Variants in KCTD8 observed in about 807,000 individuals in gnomAD.
KCTD8 encodes the protein BTB/POZ domain-containing protein KCTD8.
Under a neutral mutation model 31.5 loss-of-function variants are expected in KCTD8, and 27 were observed. That is an observed-to-expected ratio of 0.86 (90% CI 0.63 to 1.18). KCTD8 has a LOEUF of 1.18. KCTD8 is among the 50% of genes most tolerant of loss of function. The pLI, the probability that KCTD8 is intolerant of heterozygous loss-of-function variation, is 0.00. For synonymous variants in KCTD8, 290 were observed against 280.0 expected (o/e 1.04, Z -0.36); for missense variants, 658 against 647.7 (o/e 1.02, Z -0.17).
At chr4:44,241,932 A>T (rs1197320249) in intron 1 of KCTD8, among the ~76,000 whole-genome samples, 1 of 152,190 alleles carries the variant, frequency 6.6e-6, no homozygotes, top group African/African-American at 2.4e-5. Context: ...AATAAATAAA[A>T]AAGTGTTTTT....
At chr4:44,208,751 T>C (rs1389044726) in intron 1 of KCTD8, among the ~76,000 whole-genome samples, 2 of 152,102 alleles carry the variant, frequency 1.3e-5, no homozygotes. Context: ...CCCCTACCTA[T>C]AGATACTGTA....
At chr4:44,249,785 GC>G (rs1187504032) in intron 1 of KCTD8, among the ~76,000 whole-genome samples, 1 of 147,762 alleles carries the variant, frequency 6.8e-6, no homozygotes, top group Admixed American at 6.8e-5. Flanking sequence ...TTCCCTTCCT[GC>G]CCCCTTCCCC....
chr4:44,349,476 G>GTGT (rs1560432929), intron 1 of KCTD8, among the ~76,000 whole-genome samples: 1 of 152,118 alleles, frequency 6.6e-6, no homozygotes, highest in African/African-American at 2.4e-5. Flanking sequence ...CACCCTTGCC[G>GTGT]TGTTCTGTCT....
chr4:44,328,905 T>C (rs1454936238), intron 1 of KCTD8, among the ~76,000 whole-genome samples: 25 of 151,944 alleles, frequency 1.6e-4, no homozygotes, highest in Admixed American at 1.6e-3. Context: ...GAAGGAAAAC[T>C]GGGTTCCAGT....
intron 1 of KCTD8, among the ~76,000 whole-genome samples, chr4:44,286,794 T>TA (rs998242855): frequency 6.6e-6 from 1 of 151,630 alleles, no homozygotes; most frequent in Admixed American, 6.6e-5. Context: ...GGGGTAAGGG[T>TA]AAAAAAATAG....
chr4:44,309,305 C>T (rs2109398113), intron 1 of KCTD8, among the ~76,000 whole-genome samples: 1 of 152,038 alleles, frequency 6.6e-6, no homozygotes, highest in East Asian at 1.9e-4. Flanking sequence ...TCTCAAAGTG[C>T]TAGGATTACA....
At chr4:44,363,515 G>T (rs1334019850) in intron 1 of KCTD8, among the ~76,000 whole-genome samples, 1 of 151,642 alleles carries the variant, frequency 6.6e-6, no homozygotes, top group Non-Finnish European at 1.5e-5. Context: ...GCTGTAAGAA[G>T]GACCAAGAAA....
At chr4:44,230,841 G>C (rs188094218) in intron 1 of KCTD8, among the ~76,000 whole-genome samples, 1 of 151,932 alleles carries the variant, frequency 6.6e-6, no homozygotes, top group Non-Finnish European at 1.5e-5. Flanking sequence ...AGGATTTAGC[G>C]ATCTTATGAG....
At chr4:44,325,818 T>A (rs978521732) in intron 1 of KCTD8, among the ~76,000 whole-genome samples, 1 of 151,922 alleles carries the variant, frequency 6.6e-6, no homozygotes, top group African/African-American at 2.4e-5. Context: ...ATCTCCTTAA[T>A]TCACAGGGGA....
In KCTD8 at chr4:44,175,083, G is replaced by T. The variant is rs1220125757; in HGVS notation, c.1129C>A (p.Gln377Lys). 1 of 1,613,896 alleles carries T rather than the reference G, an allele frequency of 6.2e-7. No homozygotes were observed. Among genetic ancestry groups the T allele is most frequent in the Admixed American group, 1.7e-5 (1 of 59,986 alleles). Residue 377 changes from glutamine to lysine, a missense_variant, in exon 2 of 2, where the codon CAG (glutamine) becomes AAG (lysine). Transcript: ENST00000360029. The stretch of plus-strand genomic sequence containing the variant: ...TTAGGTTGGTGAGCTGTTGCCTGCT[G>T]GGCACTGGATGGGTTGTCCTGGGGA... ...STPQDNPSSA[Q>K]QATAHQPNTL...
chr4:44,364,562 CTG>C (rs1371936073), intron 1 of KCTD8, among the ~76,000 whole-genome samples: 8 of 152,086 alleles, frequency 5.3e-5, no homozygotes, highest in Non-Finnish European at 1.2e-4. Context: ...GATCCAGAAA[CTG>C]TACTTTATCC....
intron 1 of KCTD8, among the ~76,000 whole-genome samples, chr4:44,307,244 C>G (rs903275398): frequency 6.6e-6 from 1 of 151,942 alleles, no homozygotes; most frequent in African/African-American, 2.4e-5. Context: ...TTCAGAAAAA[C>G]TGAAGAGGCC....
At chr4:44,243,324 A>G (rs1715559573) in intron 1 of KCTD8, among the ~76,000 whole-genome samples, 1 of 152,238 alleles carries the variant, frequency 6.6e-6, no homozygotes. Context: ...TACTTCAAGT[A>G]TGGTTACAAA....
chr4:44,416,137 A>G (rs924515968), intron 1 of KCTD8, among the ~76,000 whole-genome samples: 3 of 152,240 alleles, frequency 2.0e-5, no homozygotes, highest in Non-Finnish European at 4.4e-5. Flanking sequence ...TTTTCGAGCT[A>G]TAAGATTTAA....
intron 1 of KCTD8, among the ~76,000 whole-genome samples, chr4:44,411,722 A>G (rs1195341482): frequency 1.3e-5 from 2 of 151,970 alleles, no homozygotes; most frequent in Non-Finnish European, 2.9e-5. Context: ...TGATCTCCTT[A>G]TAAAACAAGC....
At chr4:44,268,798 A>T (rs921361724) in intron 1 of KCTD8, among the ~76,000 whole-genome samples, 1 of 152,104 alleles carries the variant, frequency 6.6e-6, no homozygotes, top group South Asian at 2.1e-4. Context: ...CAATTGCTTC[A>T]AAGAGAATAA....
chr4:44,373,473 C>T (rs1022767453), intron 1 of KCTD8, among the ~76,000 whole-genome samples: 3 of 152,086 alleles, frequency 2.0e-5, no homozygotes, highest in Admixed American at 6.6e-5. Context: ...GGTACCTAAC[C>T]TGTTTATCCC....
intron 1 of KCTD8, among the ~76,000 whole-genome samples, chr4:44,226,799 G>A (rs956328352): frequency 2.0e-5 from 3 of 152,054 alleles, no homozygotes; most frequent in Non-Finnish European, 2.9e-5. Context: ...CTGTGATGAT[G>A]AGCTTTTTTC....
chr4:44,298,189 T>A (rs2109390029), intron 1 of KCTD8, among the ~76,000 whole-genome samples: 1 of 152,278 alleles, frequency 6.6e-6, no homozygotes, highest in Middle Eastern at 3.4e-3. Context: ...TTTATCTTTT[T>A]CTCTCTGTGC....
Sources: gnomAD v4.1 joint callset for allele counts (sites outside exome capture counted in the v4.1 genomes callset) on GRCh38, gnomAD v4.1.1 for gene constraint, MANE v1.5 for transcripts, NCBI Gene and HGNC (gene_info 2026-07-23, HGNC 2026-07-21) for gene names.